The following OTOP1 variants were observed in gnomAD, a reference collection of about 807,000 sequenced individuals.
The protein encoded by OTOP1 is proton channel OTOP1.
A neutral mutation model predicts 52.9 loss-of-function variants in OTOP1; 59 were observed. The ratio of observed to expected loss-of-function variants is 1.12; its 90% CI spans 0.91 to 1.39. The LOEUF (loss-of-function observed/expected upper bound fraction) is 1.39, where lower values mean the gene tolerates loss of function less well. OTOP1 is among the 40% of genes most tolerant of loss of function. The pLI is 0.00. For synonymous variants in OTOP1, 317 were observed against 337.7 expected (o/e 0.94, Z 0.67); for missense variants, 761 against 800.9 (o/e 0.95, Z 0.60).
intron 1 of OTOP1, among the ~76,000 whole-genome samples, chr4:4,219,970 T>C (rs1427969034): frequency 1.4e-5 from 2 of 141,166 alleles, no homozygotes; most frequent in Non-Finnish European, 3.0e-5. Flanking sequence ...TGTATACATA[T>C]ATACACATAT....
chr4:4,207,341 ACTT>A (rs1208923388), intron 2 of OTOP1, among the ~76,000 whole-genome samples: 8 of 152,174 alleles, frequency 5.3e-5, no homozygotes, highest in Non-Finnish European at 8.8e-5. Context: ...AACATTGAAA[ACTT>A]TTTTTAGTGA....
rs1419518631 is a variant in OTOP1 at position 4,197,688 on chromosome 4, G to A, written c.1146C>T (p.Ser382=). 6.2e-7 allele frequency: 1 copy of A among 1,613,564 alleles called. No individual in the cohort carries two copies. Among genetic ancestry groups the A allele is most frequent in the South Asian group, 1.1e-5 (1 of 90,998 alleles). ...YRIDEKSLDE[S]KNPARKLDSD... is the part of the protein sequence containing the mutation. ...AGTCCAGTTTGCGGGCCGGATTTTT[G>A]GACTCATCCAGTGACTTCTCGTCTA... is the stretch of plus-strand genomic sequence containing the variant. The change falls in exon 5 of 6, where the codon TCC becomes TCT. Residue 382 remains serine, a synonymous_variant. Transcript: ENST00000296358.
chr4:4,195,402 T>A (rs1319187936), intron 5 of OTOP1, among the ~76,000 whole-genome samples: 1 of 152,182 alleles, frequency 6.6e-6, no homozygotes, highest in Non-Finnish European at 1.5e-5. Flanking sequence ...CCACCTTCCA[T>A]CAGAGAGGCT....
In OTOP1 at chr4:4,212,943, G is replaced by A. The variant is rs755485961; in HGVS notation, c.465C>T (p.Phe155=). The A allele has an allele frequency of 4.3e-6, 7 of 1,614,034 alleles. No homozygotes were observed. The South Asian group carries it at 7.7e-5, about 18-fold the overall frequency. ...CTGATAAACATTCTGAAAATCCAAT[G>A]AAGTATCCAATTTTAAGGCATCCCA... The part of the protein sequence containing the change: ...VILGCLKIGY[F]IGFSECLSAT... The change falls in exon 2 of 6, where the codon TTC becomes TTT. Residue 155 remains phenylalanine (F), a synonymous_variant. Coordinates refer to ENST00000296358, the MANE Select transcript of OTOP1 (RefSeq NM_177998.3).
chr4:4,204,488 G>A (rs1384350215), intron 3 of OTOP1, among the ~76,000 whole-genome samples: 3 of 152,098 alleles, frequency 2.0e-5, no homozygotes, highest in Non-Finnish European at 4.4e-5. Context: ...ACTCAAGGAG[G>A]TAGCACTGTT....
chr4:4,208,532 C>T (rs142230885), intron 2 of OTOP1, among the ~76,000 whole-genome samples: 8,009 of 152,154 alleles, frequency 0.053, 365 homozygotes, highest in Admixed American at 0.15. Context: ...CACAAGAAGA[C>T]CAATACTGTA....
chr4:4,221,764 G>A (rs1717306287), intron 1 of OTOP1, among the ~76,000 whole-genome samples: 1 of 152,118 alleles, frequency 6.6e-6, no homozygotes, highest in Non-Finnish European at 1.5e-5. Context: ...ATAATTTGCT[G>A]TGTCCCACCA....
chr4:4,226,349 A>G (rs1189352624), intron 1 of OTOP1, 113 bp downstream of exon 1: 1 of 1,066,414 alleles, frequency 9.4e-7, no homozygotes, highest in African/African-American at 1.7e-5. Context: ...AGAGAGACCA[A>G]GGCAGAAAAG....
At chr4:4,200,007 C>A (rs181580424) in intron 4 of OTOP1, among the ~76,000 whole-genome samples, 4 of 152,264 alleles carry the variant, frequency 2.6e-5, no homozygotes, top group African/African-American at 9.6e-5. Context: ...AATGTAAAAT[C>A]TGTCTCTTGT....
At chr4:4,210,625 G>A (rs1428326915) in intron 2 of OTOP1, among the ~76,000 whole-genome samples, 4 of 152,178 alleles carry the variant, frequency 2.6e-5, no homozygotes, top group Non-Finnish European at 5.9e-5. Context: ...GAGGTCAGGA[G>A]TTCGAGACCA....
At chr4:4,193,056 AAATAT>A (rs1716547975) in intron 5 of OTOP1, among the ~76,000 whole-genome samples, 1 of 152,168 alleles carries the variant, frequency 6.6e-6, no homozygotes, top group African/African-American at 2.4e-5. Context: ...CCACAATTAA[AAATAT>A]AATAAAATAA....
At chr4:4,201,811 C>T (rs1422824243) in intron 4 of OTOP1, among the ~76,000 whole-genome samples, 3 of 152,150 alleles carry the variant, frequency 2.0e-5, no homozygotes, top group African/African-American at 7.2e-5. Flanking sequence ...ATGATGGGAA[C>T]AAACCTGAGA....
At chr4:4,192,963 T>A (rs777199684) in intron 5 of OTOP1, among the ~76,000 whole-genome samples, 3 of 152,188 alleles carry the variant, frequency 2.0e-5, no homozygotes, top group Non-Finnish European at 2.9e-5. Flanking sequence ...GATGGTGTGA[T>A]GTTTGCACAA....
At chr4:4,220,264 G>A (rs1454015513) in intron 1 of OTOP1, among the ~76,000 whole-genome samples, 2 of 151,318 alleles carry the variant, frequency 1.3e-5, no homozygotes, top group Admixed American at 6.6e-5. Flanking sequence ...TAAAAAAACA[G>A]AACGGAAAAT....
At chr4:4,198,391 T>C (rs1211458348) in intron 4 of OTOP1, among the ~76,000 whole-genome samples, 1 of 151,924 alleles carries the variant, frequency 6.6e-6, no homozygotes, top group Admixed American at 6.6e-5. Context: ...AGATGATAGA[T>C]AGATAGATGG....
chr4:4,212,792 G>A (rs1717053551), intron 2 of OTOP1, 76 bp downstream of exon 2: 3 of 1,524,444 alleles, frequency 2.0e-6, no homozygotes, highest in African/African-American at 1.4e-5. Context: ...CACACGTCTT[G>A]ATGTTACAAG....
intron 1 of OTOP1, among the ~76,000 whole-genome samples, chr4:4,220,871 C>G (rs1333550294): frequency 1.3e-5 from 2 of 152,030 alleles, no homozygotes; most frequent in Non-Finnish European, 2.9e-5. Flanking sequence ...GGTGGAAAGT[C>G]CCACAGAATT....
Position 4,197,222 on chromosome 4 carries a change from C to T in OTOP1, c.1612G>A (p.Ala538Thr), listed in dbSNP as rs547040796. The change falls in exon 5 of 6, where the codon GCC becomes ACC. Residue 538 changes from alanine (A) to threonine (T), a missense_variant. Around this residue, in one of 3 missense-constraint regions of OTOP1, gnomAD observed 632 missense variants for 619.5 expected, o/e 1.02. Coordinates refer to ENST00000296358, the MANE Select transcript of OTOP1 (RefSeq NM_177998.3). Reference protein sequence around the residue: ...VRLPRFLQGNAKRKVLRNIAA... With the variant: ...VRLPRFLQGNTKRKVLRNIAA... ...ATATTCCTCAGGACTTTTCTCTTGGCGTTGCCCTGTAAGAAACGGGGAAGG... is the reference window on the plus strand; with the variant it reads ...ATATTCCTCAGGACTTTTCTCTTGGTGTTGCCCTGTAAGAAACGGGGAAGG... The T allele has an allele frequency of 1.5e-5, 21 of 1,418,522 alleles. No individual in the cohort carries two copies. The highest frequency in any genetic ancestry group is 1.8e-5 in the Non-Finnish European group (19 of 1,056,760). 87.9% of individuals were successfully genotyped at this position (1,418,522 alleles called of 1,614,324 possible).
At chr4:4,196,749 T>C (rs779405677) in intron 5 of OTOP1, among the ~76,000 whole-genome samples, 2 of 151,532 alleles carry the variant, frequency 1.3e-5, no homozygotes, top group Non-Finnish European at 2.9e-5. Context: ...AAATAGAAAA[T>C]GTGTAGCTCT....
Sources: gnomAD v4.1 joint callset for allele counts (sites outside exome capture counted in the v4.1 genomes callset) on GRCh38, gnomAD v4.1.1 for gene constraint, gnomAD v4.1.1 regional missense constraint, MANE v1.5 for transcripts, NCBI Gene and HGNC (gene_info 2026-07-23, HGNC 2026-07-21) for gene names.